The following QTGAL variants were observed in gnomAD, a reference collection of about 807,000 sequenced individuals.
QTGAL encodes BGnT-like protein 1.
chr17:83,048,364 C>T, the QTGAL span: 4 of 1,021,374 alleles, frequency 3.9e-6, no homozygotes, highest in Non-Finnish European at 6.0e-6. Context: ...ATCCAATTAC[C>T]ACCAGGATAC....
chr17:83,011,014 A>T, the QTGAL span, among the ~76,000 whole-genome samples: 1 of 152,246 alleles, frequency 6.6e-6, no homozygotes, highest in Non-Finnish European at 1.5e-5. Flanking sequence ...AACGTTGGGA[A>T]CAGAGATCAG....
At chr17:82,945,568 A>C in the QTGAL span, 12 of 152,370 alleles carry the variant, frequency 7.9e-5, no homozygotes, top group South Asian at 2.3e-3. Context: ...GCATAACATT[A>C]AAGAAGAGAA....
the QTGAL span, among the ~76,000 whole-genome samples, chr17:82,970,531 GGCCGC>G: frequency 0.064 from 9,333 of 145,700 alleles, 1,978 homozygotes; most frequent in African/African-American, 0.18. Flanking sequence ...CACCCAGCGT[GGCCGC>G]GACCTCCGCA....
chr17:83,005,830 C>A, the QTGAL span: 1 of 850,894 alleles, frequency 1.2e-6, no homozygotes, highest in Non-Finnish European at 1.4e-6. This position sits in a 1 kb window ranked among gnomAD's most constrained non-coding sequence, Gnocchi z 5.6. Context: ...CCTGCCTCAG[C>A]CTTTCTCAAC....
At chr17:82,953,517 A>C in the QTGAL span, among the ~76,000 whole-genome samples, 2 of 152,256 alleles carry the variant, frequency 1.3e-5, no homozygotes, top group Non-Finnish European at 2.9e-5. Context: ...TTGAGGCAGT[A>C]ATTAATACCC....
At chr17:83,017,810 G>A in the QTGAL span, among the ~76,000 whole-genome samples, 1 of 151,850 alleles carries the variant, frequency 6.6e-6, no homozygotes, top group Non-Finnish European at 1.5e-5. Flanking sequence ...TGAACACCGT[G>A]CGCCTGTATC....
chr17:83,031,203 C>A, the QTGAL span, among the ~76,000 whole-genome samples: 1 of 152,238 alleles, frequency 6.6e-6, no homozygotes, highest in Non-Finnish European at 1.5e-5. Context: ...AGGCACTGAT[C>A]CATCAGAGGC....
the QTGAL span, among the ~76,000 whole-genome samples, chr17:82,991,844 A>T: frequency 6.6e-6 from 1 of 152,146 alleles, no homozygotes; most frequent in Non-Finnish European, 1.5e-5. Context: ...AATTCTATTT[A>T]AAAAAATTAA....
chr17:82,969,074 C>G, the QTGAL span, among the ~76,000 whole-genome samples: 1 of 149,208 alleles, frequency 6.7e-6, no homozygotes, highest in African/African-American at 2.5e-5. Context: ...GCGGAGGTTG[C>G]AGTGAGCCAA....
the QTGAL span, among the ~76,000 whole-genome samples, chr17:83,045,028 G>A: frequency 6.6e-6 from 1 of 151,460 alleles, no homozygotes; most frequent in Non-Finnish European, 1.5e-5. Context: ...CTTAAATACA[G>A]GAAATCCTAA....
chr17:83,003,063 C>T, the QTGAL span, among the ~76,000 whole-genome samples: 1 of 38,984 alleles, frequency 2.6e-5, no homozygotes, highest in Admixed American at 2.2e-4. Context: ...CCTGAGCCCG[C>T]CCTCCCACTC....
chr17:83,012,018 G>A, the QTGAL span, among the ~76,000 whole-genome samples: 17 of 104,420 alleles, frequency 1.6e-4, no homozygotes, highest in South Asian at 6.0e-3. Context: ...CTCCCAGCTC[G>A]TTTGAACACA....
chr17:82,965,762 G>A, the QTGAL span: 23 of 1,598,338 alleles, frequency 1.4e-5, no homozygotes, highest in African/African-American at 8.0e-5. Flanking sequence ...AGCAATTAAC[G>A]TTGACAGAGT....
chr17:82,982,639 C>T, the QTGAL span, among the ~76,000 whole-genome samples: 12 of 152,134 alleles, frequency 7.9e-5, no homozygotes, highest in Admixed American at 2.6e-4. Context: ...GCTTCCAAAA[C>T]GGTGGAAACA....
chr17:83,042,586 A>G, the QTGAL span, among the ~76,000 whole-genome samples: 1 of 152,238 alleles, frequency 6.6e-6, no homozygotes, highest in Non-Finnish European at 1.5e-5. Flanking sequence ...AAAATGGCAC[A>G]TCGGAAATAA....
chr17:82,967,048 G>A, the QTGAL span, among the ~76,000 whole-genome samples: 2 of 152,192 alleles, frequency 1.3e-5, no homozygotes, highest in Non-Finnish European at 2.9e-5. Context: ...TAGTCAGGTC[G>A]TGAAAACGTG....
At chr17:82,990,098 CT>C in the QTGAL span, among the ~76,000 whole-genome samples, 4 of 152,394 alleles carry the variant, frequency 2.6e-5, no homozygotes, top group South Asian at 8.3e-4. Flanking sequence ...GATAAGCCTT[CT>C]CCTTACATTT....
At chr17:83,051,257 G>T in the QTGAL span, among the ~76,000 whole-genome samples, 1 of 146,894 alleles carries the variant, frequency 6.8e-6, no homozygotes, top group Non-Finnish European at 1.5e-5. Context: ...TGTGTGAGGT[G>T]CGGGGGCAGG....
At chr17:82,982,103 GCCAAGCGGGTGGAGGAGCCTCCATCCTTC>G in the QTGAL span, among the ~76,000 whole-genome samples, 2 of 144,426 alleles carry the variant, frequency 1.4e-5, no homozygotes, top group Non-Finnish European at 3.0e-5. Context: ...ATGGTGATGG[GCCAAGCGGGTGGAGGAGCCTCCATCCTTC>G]TCACCTCTGT....
Sources: gnomAD v4.1 joint callset for allele counts (sites outside exome capture counted in the v4.1 genomes callset) on GRCh38, gnomAD v4.1.1 for gene constraint, Gnocchi (gnomAD v3.1) non-coding constraint, MANE v1.5 for transcripts, NCBI Gene and HGNC (gene_info 2026-07-23, HGNC 2026-07-21) for gene names.